Variants in IL12RB2 observed in about 807,000 individuals in gnomAD.
IL12RB2 encodes the protein interleukin-12 receptor subunit beta-2.
IL12RB2 carries 82 observed loss-of-function variants against 89.4 expected under a neutral mutation model. That is an observed-to-expected ratio of 0.92 (90% CI 0.77 to 1.10). IL12RB2 has a LOEUF of 1.10. Ranked by LOEUF, IL12RB2 falls within the 50% of genes least tolerant of loss-of-function variation. The pLI is 0.00. For synonymous variants in IL12RB2, 368 were observed against 370.1 expected, an observed-to-expected ratio of 0.99 and a Z score of 0.07; for missense variants, 963 against 1,031.9, an observed-to-expected ratio of 0.93 and a Z score of 0.92.
At chr1:67,344,497 T>C (rs1659999773) in intron 9 of IL12RB2, among the ~76,000 whole-genome samples, 1 of 152,094 alleles carries the variant, frequency 6.6e-6, no homozygotes, top group African/African-American at 2.4e-5. Context: ...TTTGCCATGT[T>C]GGCCAGACTG....
chr1:67,319,798 T>G (rs928540979), intron 2 of IL12RB2, among the ~76,000 whole-genome samples: 1 of 152,128 alleles, frequency 6.6e-6, no homozygotes, highest in Non-Finnish European at 1.5e-5. Context: ...GGTGATGATA[T>G]TAGGAGATGG....
chr1:67,392,061 G>A (rs115231516), intron 16 of IL12RB2, among the ~76,000 whole-genome samples: 3,018 of 152,252 alleles, frequency 0.02, 43 homozygotes, highest in Non-Finnish European at 0.03. Flanking sequence ...ATCCAAGCAG[G>A]ATATGCTGCC....
At chr1:67,323,887 T>C (rs1013079356) in intron 4 of IL12RB2, among the ~76,000 whole-genome samples, 9 of 152,094 alleles carry the variant, frequency 5.9e-5, no homozygotes, top group Admixed American at 1.3e-4. Context: ...CTGTCTTATA[T>C]TGGAAAATTC....
At chr1:67,363,183 G>C (rs1033483881) in intron 10 of IL12RB2, among the ~76,000 whole-genome samples, 1 of 150,910 alleles carries the variant, frequency 6.6e-6, no homozygotes, top group Non-Finnish European at 1.5e-5. Flanking sequence ...TTACAGGCAT[G>C]AGCCACTGTG....
At chr1:67,329,989 C>A (rs1657842174) in intron 7 of IL12RB2, among the ~76,000 whole-genome samples, 1 of 152,022 alleles carries the variant, frequency 6.6e-6, no homozygotes, top group Non-Finnish European at 1.5e-5. Flanking sequence ...GGATTCATTT[C>A]TCCTTATTAT....
rs1666479875 is a variant in IL12RB2, at chr1:67,398,484, A to C, written c.*2395A>C. Among the ~76,000 whole-genome samples the C allele has an allele frequency of 6.6e-6, 1 of 150,866 alleles. No homozygotes were observed. Among genetic ancestry groups the C allele is most frequent in the South Asian group, 2.1e-4 (1 of 4,760 alleles). Reference sequence around the variant, plus strand: ...CCCTTAAAGTCTCATATGATACTGCAGTCCTCATTTGTCTTCCCAAAAAAA... The same window carrying C: ...CCCTTAAAGTCTCATATGATACTGCCGTCCTCATTTGTCTTCCCAAAAAAA... On this transcript the variant is annotated 3_prime_UTR_variant, in exon 17 of 17. Transcript: ENST00000674203.
intron 14 of IL12RB2, among the ~76,000 whole-genome samples, chr1:67,380,727 G>A (rs1664483978): frequency 6.6e-6 from 1 of 152,122 alleles, no homozygotes; most frequent in African/African-American, 2.4e-5. Context: ...CTTTCGGAGG[G>A]CTATGAGAGA....
intron 9 of IL12RB2, among the ~76,000 whole-genome samples, chr1:67,349,119 A>G (rs550638906): frequency 5.3e-5 from 8 of 152,186 alleles, no homozygotes; most frequent in African/African-American, 1.7e-4. Context: ...CCAAGATAAC[A>G]TTTCACCCCT....
chr1:67,378,775 G>A (rs574543322), intron 13 of IL12RB2, among the ~76,000 whole-genome samples: 38 of 150,604 alleles, frequency 2.5e-4, no homozygotes, highest in Non-Finnish European at 3.8e-4. Flanking sequence ...GCTTGAATTC[G>A]GGAGGCGGAG....
chr1:67,324,502 C>T (rs183737291), intron 4 of IL12RB2, among the ~76,000 whole-genome samples: 3 of 152,166 alleles, frequency 2.0e-5, no homozygotes, highest in East Asian at 1.9e-4. Flanking sequence ...ATTATAGACA[C>T]GCACCACCAT....
chr1:67,320,284 G>A lies in IL12RB2; in HGVS notation c.-36-49G>A, dbSNP rs371806968. The A allele has an allele frequency of 2.5e-6, 4 of 1,610,250 alleles. No individual in the cohort carries two copies. The African/African-American group carries it at 5.3e-5, about 22-fold the overall frequency. ...GCTCTTCTGAGCTATTTTGGCTCTG[G>A]TATTTTCTGAACATATTTAACATGA... On this transcript the variant is annotated intron_variant, in intron 2 of 16. Coordinates refer to ENST00000674203, the MANE Select transcript of IL12RB2 (RefSeq NM_001374259.2).
At chr1:67,368,097 G>A (rs1159973190) in intron 11 of IL12RB2, 72 bp downstream of exon 11, 1 of 967,278 alleles carries the variant, frequency 1.0e-6, no homozygotes, top group Admixed American at 1.8e-5. Context: ...GCAGGCAAGA[G>A]CCAGAACCCT....
rs1304647690 is a variant in IL12RB2, at chr1:67,313,490, A to T, written c.-124-423A>T. Reference sequence around the variant, plus strand: ...TATTATGCTGCTACTGTTGCTATTGATTACAAGCAGCCTCACATCTAGAAG... The same window carrying T: ...TATTATGCTGCTACTGTTGCTATTGTTTACAAGCAGCCTCACATCTAGAAG... On this transcript the variant is annotated intron_variant, in intron 1 of 16. Coordinates refer to ENST00000674203, the MANE Select transcript of IL12RB2 (RefSeq NM_001374259.2). 3.3e-5 allele frequency among the ~76,000 whole-genome samples: 5 copies of T among 152,270 alleles called. No individual in the cohort carries two copies. The East Asian group carries it at 7.7e-4, about 24-fold the overall frequency.
intron 15 of IL12RB2, among the ~76,000 whole-genome samples, chr1:67,389,561 A>T (rs1380730500): frequency 6.6e-6 from 1 of 152,228 alleles, no homozygotes; most frequent in Non-Finnish European, 1.5e-5. Flanking sequence ...TGGCATTTTT[A>T]ACATGGTTGT....
chr1:67,323,665 A>G (rs1455582859), intron 4 of IL12RB2, among the ~76,000 whole-genome samples: 1 of 152,210 alleles, frequency 6.6e-6, no homozygotes, highest in Non-Finnish European at 1.5e-5. Flanking sequence ...GAATAAAGAC[A>G]TTTTAAACTA....
At chr1:67,384,630 T>A in intron 14 of IL12RB2, among the ~76,000 whole-genome samples, 1 of 152,252 alleles carries the variant, frequency 6.6e-6, no homozygotes, top group East Asian at 1.9e-4. Flanking sequence ...TTCTATTGAA[T>A]CATCAGGCTG....
intron 10 of IL12RB2, among the ~76,000 whole-genome samples, chr1:67,367,059 T>C (rs1662751421): frequency 1.3e-5 from 2 of 152,282 alleles, no homozygotes; most frequent in East Asian, 3.9e-4. Flanking sequence ...ATGTCTAATA[T>C]ATTCACAAAG....
chr1:67,348,428 GCT>G (rs1381134853), intron 9 of IL12RB2, among the ~76,000 whole-genome samples: 1 of 152,174 alleles, frequency 6.6e-6, no homozygotes, highest in African/African-American at 2.4e-5. Context: ...GAAGTCGAGA[GCT>G]CTGGGCTCTG....
chr1:67,374,777 C>CTTTT (rs35122967), intron 13 of IL12RB2, among the ~76,000 whole-genome samples: 18 of 53,866 alleles, frequency 3.3e-4, no homozygotes, highest in Admixed American at 8.7e-4. Flanking sequence ...AGCCCAGCCT[C>CTTTT]TTTTTTTTTT....
Sources: allele counts gnomAD v4.1 joint callset (sites outside exome capture counted in the v4.1 genomes callset), GRCh38; gene constraint gnomAD v4.1.1; transcripts MANE v1.5; gene names NCBI Gene and HGNC (gene_info 2026-07-23, HGNC 2026-07-21).